Variants in DENND1A observed in about 807,000 individuals in gnomAD.
DENND1A encodes DENN domain-containing protein 1A.
A neutral mutation model predicts 113.7 loss-of-function variants in DENND1A; 51 were observed. That is an observed-to-expected ratio of 0.45 (90% confidence interval 0.36 to 0.57). DENND1A has a LOEUF of 0.57. Ranked by LOEUF, DENND1A falls within the 20% of genes least tolerant of loss-of-function variation. The probability of loss-of-function intolerance (pLI) is 0.00; values close to 1 mark genes in which losing one functional copy is unlikely to be tolerated. For missense variants in DENND1A, 1,258 were observed against 1,395.9 expected, an observed-to-expected ratio of 0.90 and a Z score of 1.57; for synonymous variants, 565 against 570.8, an observed-to-expected ratio of 0.99 and a Z score of 0.14.
chr9:123,878,149 G>A (rs1024298714), intron 2 of DENND1A, among the ~76,000 whole-genome samples: 1 of 150,990 alleles, frequency 6.6e-6, no homozygotes, highest in Admixed American at 6.6e-5. Context: ...GTTGCGGTGA[G>A]CCAAGATCAC....
At chr9:123,923,455 G>C (rs1163491322) in intron 1 of DENND1A, among the ~76,000 whole-genome samples, 1 of 152,206 alleles carries the variant, frequency 6.6e-6, no homozygotes, top group Non-Finnish European at 1.5e-5. Flanking sequence ...GGCATTAGAG[G>C]AAGAAGGCCT....
intron 13 of DENND1A, among the ~76,000 whole-genome samples, chr9:123,526,529 C>A (rs1228645560): frequency 1.3e-5 from 2 of 152,226 alleles, no homozygotes; most frequent in Non-Finnish European, 2.9e-5. Context: ...CCCTCTCCCC[C>A]AGCCACAATG....
At chr9:123,772,479 T>A (rs2131672540) in intron 3 of DENND1A, among the ~76,000 whole-genome samples, 1 of 152,298 alleles carries the variant, frequency 6.6e-6, no homozygotes, top group East Asian at 1.9e-4. Flanking sequence ...ATTTTCTTGT[T>A]CTCTTTCCCG....
At chr9:123,595,949 T>C (rs944450099) in intron 11 of DENND1A, among the ~76,000 whole-genome samples, 2 of 152,166 alleles carry the variant, frequency 1.3e-5, no homozygotes, top group African/African-American at 4.8e-5. Context: ...ACACTCTGAC[T>C]CTGCTGGTGT....
At position 123,703,252 on chromosome 9, in the gene DENND1A, G is replaced by A. The variant is rs1419839516; in HGVS notation, c.303-26463C>T. On this transcript the variant is annotated intron_variant, in intron 5 of 23. Coordinates refer to ENST00000394215, the MANE Select transcript of DENND1A (RefSeq NM_001352964.2). ...GATCCATCCACCTAGGATTACAGGT[G>A]TGAGCCACTGCACCCAGCCTAAAAA... Among the ~76,000 whole-genome samples, 8 of 152,316 alleles carry A rather than the reference G, an allele frequency of 5.3e-5. No individual in the cohort carries two copies. The East Asian group carries it at 1.3e-3, about 26-fold the overall frequency.
chr9:123,737,243 G>A (rs141199772), intron 5 of DENND1A, among the ~76,000 whole-genome samples: 1 of 152,244 alleles, frequency 6.6e-6, no homozygotes, highest in Non-Finnish European at 1.5e-5. Context: ...CGCCCACACT[G>A]GAGTGCAGTG....
intron 20 of DENND1A, among the ~76,000 whole-genome samples, chr9:123,408,212 G>C (rs1461705494): frequency 6.6e-6 from 1 of 152,178 alleles, no homozygotes; most frequent in Non-Finnish European, 1.5e-5. Flanking sequence ...ATGGGAGCTT[G>C]GTAGGCTGTT....
At chr9:123,557,183 T>C (rs1054524895) in intron 13 of DENND1A, among the ~76,000 whole-genome samples, 2 of 152,108 alleles carry the variant, frequency 1.3e-5, no homozygotes, top group African/African-American at 4.8e-5. Context: ...CCGGGCTAAG[T>C]TGTTTCTCTT....
intron 13 of DENND1A, among the ~76,000 whole-genome samples, chr9:123,490,767 A>G (rs551731272): frequency 7.2e-4 from 110 of 152,346 alleles, no homozygotes; most frequent in African/African-American, 2.5e-3. Context: ...ATAGAAAATT[A>G]TTAATGAGAG....
chr9:123,531,254 T>TC, intron 13 of DENND1A, among the ~76,000 whole-genome samples: 1 of 152,256 alleles, frequency 6.6e-6, no homozygotes, highest in East Asian at 1.9e-4. Flanking sequence ...CTAATCCACT[T>TC]CGTAGAAGGT....
In DENND1A at chr9:123,764,669, A is replaced by G. The variant is rs2071318427; in HGVS notation, c.182+4845T>C. Among the ~76,000 whole-genome samples the G allele has an allele frequency of 6.6e-6, 1 of 152,222 alleles. No homozygotes were observed. Among genetic ancestry groups the G allele is most frequent in the African/African-American group, 2.4e-5 (1 of 41,446 alleles). On this transcript the variant is annotated intron_variant, in intron 4 of 23. Transcript: ENST00000394215. The surrounding 1 kb of genome is among the most constrained non-coding windows in gnomAD (Gnocchi z 4.1). ...GCAGAGCTCTGTCCATTCCCTCTAC[A>G]TGAGCCTGACAAAGTCAACATGAAG... is the stretch of plus-strand genomic sequence containing the variant.
intron 1 of DENND1A, among the ~76,000 whole-genome samples, chr9:123,914,934 C>G (rs776429009): frequency 6.6e-6 from 1 of 152,074 alleles, no homozygotes; most frequent in Non-Finnish European, 1.5e-5. Flanking sequence ...TCCAAACCAT[C>G]TCAACCTGAG....
intron 1 of DENND1A, among the ~76,000 whole-genome samples, chr9:123,884,006 A>G (rs1848669895): frequency 6.6e-6 from 1 of 152,228 alleles, no homozygotes; most frequent in Non-Finnish European, 1.5e-5. Context: ...AAGTTATGTA[A>G]CATACCAACA....
In DENND1A at chr9:123,929,971, C is replaced by T. The variant is rs1324704136; in HGVS notation, c.-66G>A. On this transcript the variant is annotated 5_prime_UTR_variant, in exon 1 of 24. Transcript: ENST00000394215. The stretch of plus-strand genomic sequence containing the variant: ...CGCTGCGCTGCCCGCCCGCCCGCGG[C>T]CGACCGGCCTCCCTCTGGCGCTCTC... 7.0e-6 allele frequency: 2 copies of T among 284,840 alleles called. No homozygotes were observed. The highest frequency in any genetic ancestry group is 1.3e-5 in the Non-Finnish European group (2 of 156,836). The allele number at this position is 284,840 out of a possible 1,614,324, so 17.6% of individuals were successfully genotyped here.
chr9:123,399,111 T>C (rs549040708), intron 21 of DENND1A, among the ~76,000 whole-genome samples: 2 of 152,138 alleles, frequency 1.3e-5, no homozygotes, highest in African/African-American at 4.8e-5. Flanking sequence ...CTGCTTTTAA[T>C]AGGAGGGGAG....
At chr9:123,612,836 G>A (rs1438629017) in intron 10 of DENND1A, among the ~76,000 whole-genome samples, 1 of 152,194 alleles carries the variant, frequency 6.6e-6, no homozygotes, top group Non-Finnish European at 1.5e-5. Context: ...TGGCCTAGTA[G>A]AAATCTTTCA....
chr9:123,759,758 T>C (rs1057273910), intron 4 of DENND1A: 1 of 152,226 alleles, frequency 6.6e-6, no homozygotes, highest in Non-Finnish European at 1.5e-5. Context: ...GTGGAAATAA[T>C]ATAACAATGC....
intron 2 of DENND1A, among the ~76,000 whole-genome samples, chr9:123,839,384 A>C (rs1034015267): frequency 6.6e-6 from 1 of 152,178 alleles, no homozygotes; most frequent in Non-Finnish European, 1.5e-5. Context: ...CCTTGTATTC[A>C]AAAACGCCTT....
chr9:123,490,941 C>T (rs2051320469), intron 13 of DENND1A, among the ~76,000 whole-genome samples: 1 of 152,206 alleles, frequency 6.6e-6, no homozygotes, highest in Non-Finnish European at 1.5e-5. Context: ...GGAGATAAGT[C>T]CACTGCACTG....
Sources: allele counts gnomAD v4.1 joint callset (sites outside exome capture counted in the v4.1 genomes callset), GRCh38; gene constraint gnomAD v4.1.1; non-coding constraint Gnocchi (gnomAD v3.1); transcripts MANE v1.5; gene names NCBI Gene and HGNC (gene_info 2026-07-23, HGNC 2026-07-21).